The following COL25A1 variants were observed in gnomAD, a reference collection of about 807,000 sequenced individuals.
COL25A1 encodes the protein collagen alpha-1(XXV) chain.
COL25A1 carries 103 observed loss-of-function variants against 128.4 expected under a neutral mutation model. The observed-to-expected ratio is 0.80, with a 90% CI of 0.68 to 0.94. The LOEUF (loss-of-function observed/expected upper bound fraction) is 0.94. Ranked by LOEUF, COL25A1 falls within the 40% of genes least tolerant of loss-of-function variation. The probability of loss-of-function intolerance (pLI) is 0.00; values close to 1 mark genes in which losing one functional copy is unlikely to be tolerated. For missense variants in COL25A1, 745 were observed against 840.0 expected (o/e 0.89, Z 1.40); for synonymous variants, 279 against 277.2 (o/e 1.01, Z -0.06).
At chr4:109,108,083 GGTTT>G (rs1357492341) in intron 3 of COL25A1, among the ~76,000 whole-genome samples, 2 of 152,098 alleles carry the variant, frequency 1.3e-5, no homozygotes, top group Non-Finnish European at 2.9e-5. Flanking sequence ...ACAACGTGCA[GGTTT>G]GTTACATATG....
chr4:108,841,256 C>T (rs7694904), intron 31 of COL25A1, among the ~76,000 whole-genome samples: 1 of 152,044 alleles, frequency 6.6e-6, no homozygotes, highest in African/African-American at 2.4e-5. Context: ...GACCTCTGGG[C>T]GAGTACAAAA....
intron 3 of COL25A1, among the ~76,000 whole-genome samples, chr4:109,175,011 T>C (rs987278993): frequency 4.6e-5 from 7 of 152,156 alleles, no homozygotes; most frequent in African/African-American, 1.7e-4. Context: ...GCACTCCTTA[T>C]AAGAACCTAA....
Position 109,118,104 on chromosome 4 carries a change from G to C in COL25A1, c.368-67925C>G, listed in dbSNP as rs796689352. Among the ~76,000 whole-genome samples the C allele has an allele frequency of 2.6e-5, 4 of 151,612 alleles. 1 individual carries two copies. The highest frequency in any genetic ancestry group is 7.2e-5 in the African/African-American group (3 of 41,462). ...TTTAAACATCAGTGGTCGAAATACA[G>C]CAATTAAAATACAGAAATTATCAGA... On this transcript the variant is annotated intron_variant, in intron 3 of 37. Transcript: ENST00000399132.
In COL25A1 at chr4:109,116,039, C is replaced by T. The variant is rs184131278; in HGVS notation, c.368-65860G>A. ...GACAGGCAGATACAGAGAATCAAAACTTAACTGGAACTCAGCAGAAACCAG... is the reference window on the plus strand; with the variant it reads ...GACAGGCAGATACAGAGAATCAAAATTTAACTGGAACTCAGCAGAAACCAG... On this transcript the variant is annotated intron_variant, in intron 3 of 37. Coordinates refer to ENST00000399132, the MANE Select transcript of COL25A1 (RefSeq NM_198721.4). Among the ~76,000 whole-genome samples the T allele has an allele frequency of 7.9e-5, 12 of 152,094 alleles. No homozygotes were observed. The East Asian group carries it at 1.5e-3, about 20-fold the overall frequency.
chr4:109,246,298 A>G (rs1305368650), intron 3 of COL25A1, among the ~76,000 whole-genome samples: 1 of 152,180 alleles, frequency 6.6e-6, no homozygotes, highest in African/African-American at 2.4e-5. Context: ...AAATCTATAC[A>G]GTAAGCTGGT....
intron 13 of COL25A1, among the ~76,000 whole-genome samples, chr4:108,903,593 A>T (rs1054176258): frequency 6.6e-6 from 1 of 152,076 alleles, no homozygotes; most frequent in Non-Finnish European, 1.5e-5. Context: ...CAAATAATTT[A>T]ATTATGATTA....
intron 20 of COL25A1, among the ~76,000 whole-genome samples, chr4:108,868,785 A>G (rs1738282613): frequency 1.4e-5 from 2 of 146,806 alleles, no homozygotes; most frequent in Non-Finnish European, 3.0e-5. Context: ...GAAGGAAGAA[A>G]GGAAGGAAAG....
intron 31 of COL25A1, among the ~76,000 whole-genome samples, chr4:108,837,709 G>T (rs955280458): frequency 3.3e-5 from 5 of 152,096 alleles, no homozygotes; most frequent in African/African-American, 1.2e-4. Context: ...ACAGTTTTTG[G>T]TATCCAAGGA....
chr4:109,175,793 T>C (rs754914229), intron 3 of COL25A1, among the ~76,000 whole-genome samples: 1 of 152,218 alleles, frequency 6.6e-6, no homozygotes, highest in Non-Finnish European at 1.5e-5. Flanking sequence ...AATGAAGACA[T>C]ACAGATGTCT....
chr4:108,870,730 A>G (rs1560780908), intron 19 of COL25A1, among the ~76,000 whole-genome samples: 1 of 152,228 alleles, frequency 6.6e-6, no homozygotes, highest in African/African-American at 2.4e-5. Flanking sequence ...TATTTCACCT[A>G]ACAAAATGAT....
Position 109,287,224 on chromosome 4 carries a change from T to G in COL25A1, c.367+13359A>C, listed in dbSNP as rs139387806. ...ATACTTTTGTAATTATTAATTCTAT[T>G]GCAGTCTTCAGTCTGCTTATCTGAC... On this transcript the variant is annotated intron_variant, in intron 3 of 37. Coordinates refer to ENST00000399132, the MANE Select transcript of COL25A1 (RefSeq NM_198721.4). Among the ~76,000 whole-genome samples the G allele has an allele frequency of 7.0e-3, 1,059 of 152,306 alleles. 14 individuals are homozygous for G. Among genetic ancestry groups the G allele is most frequent in the African/African-American group, 0.024 (990 of 41,556 alleles).
intron 3 of COL25A1, among the ~76,000 whole-genome samples, chr4:109,061,364 T>C (rs118014324): frequency 7.9e-5 from 12 of 152,326 alleles, no homozygotes; most frequent in East Asian, 3.9e-4. Flanking sequence ...TCAATTTTAA[T>C]AGAGTTGTTA....
rs114406647 is a variant in COL25A1, at chr4:109,246,862, G to A, written c.367+53721C>T. 9.1e-3 allele frequency among the ~76,000 whole-genome samples: 1,379 copies of A among 152,198 alleles called. 26 individuals are homozygous for A. Among genetic ancestry groups the A allele is most frequent in the Non-Finnish European group, 6.4e-3 (437 of 68,018 alleles). On this transcript the variant is annotated intron_variant, in intron 3 of 37. Coordinates refer to ENST00000399132, the MANE Select transcript of COL25A1 (RefSeq NM_198721.4). ...ACATGAGTCCTATCTTCAAGCTTAC[G>A]TGGAAAATGCACAAAATATGCCCTG... is the stretch of plus-strand genomic sequence containing the variant.
intron 6 of COL25A1, among the ~76,000 whole-genome samples, chr4:109,001,433 A>ATCTGAGCTCCT: frequency 9.8e-5 from 1 of 10,184 alleles, no homozygotes; most frequent in Non-Finnish European, 5.4e-4. Flanking sequence ...AGTGAGCTAG[A>ATCTGAGCTCCT]GGGTTTTAAC....
chr4:108,815,078 CTCTCT>C (rs1309902240), intron 37 of COL25A1, among the ~76,000 whole-genome samples: 1 of 152,144 alleles, frequency 6.6e-6, no homozygotes, highest in Non-Finnish European at 1.5e-5. Context: ...CCTCACTTAT[CTCTCT>C]TAACTCTTCT....
chr4:108,972,311 A>G, intron 8 of COL25A1, among the ~76,000 whole-genome samples: 1 of 152,252 alleles, frequency 6.6e-6, no homozygotes, highest in East Asian at 1.9e-4. Context: ...ATCATCAGCA[A>G]GAATACCGTG....
intron 3 of COL25A1, among the ~76,000 whole-genome samples, chr4:109,053,227 G>C (rs902789344): frequency 1.3e-5 from 2 of 152,120 alleles, no homozygotes. Context: ...AAGAGTTCTT[G>C]CTAACTTTCA....
chr4:108,826,871 G>A (rs1050076128), intron 33 of COL25A1, among the ~76,000 whole-genome samples: 6 of 152,086 alleles, frequency 3.9e-5, no homozygotes, highest in African/African-American at 7.2e-5. Context: ...TCCTGTTCTC[G>A]AGTTAATACT....
chr4:109,100,059 G>A (rs767428725), intron 3 of COL25A1, among the ~76,000 whole-genome samples: 1 of 152,078 alleles, frequency 6.6e-6, no homozygotes, highest in Non-Finnish European at 1.5e-5. Flanking sequence ...TGAAAAGAAT[G>A]ATAAATTCAC....
Sources: allele counts gnomAD v4.1 joint callset (sites outside exome capture counted in the v4.1 genomes callset), GRCh38; gene constraint gnomAD v4.1.1; transcripts MANE v1.5; gene names NCBI Gene and HGNC (gene_info 2026-07-23, HGNC 2026-07-21).